LRRK1: variants seen among roughly 807,000 people sequenced by gnomAD.
LRRK1 encodes the protein leucine rich repeat kinase 1.
LRRK1 carries 113 observed loss-of-function variants against 209.1 expected under a neutral mutation model. The observed-to-expected ratio is 0.54, with a 90% CI of 0.46 to 0.63. The LOEUF (loss-of-function observed/expected upper bound fraction) is 0.63, where lower values mean the gene tolerates loss of function less well. LRRK1 is among the 30% of genes least tolerant of loss of function. The pLI is 0.00. For synonymous variants in LRRK1, 1,144 were observed against 1,099.7 expected, an observed-to-expected ratio of 1.04 and a Z score of -0.80; for missense variants, 2,284 against 2,632.2, an observed-to-expected ratio of 0.87 and a Z score of 2.89.
At chr15:101,062,842 T>A in intron 31 of LRRK1, 152 bp downstream of exon 31, 2 of 668,236 alleles carry the variant, frequency 3.0e-6, no homozygotes, top group South Asian at 3.5e-5. Flanking sequence ...AGGAAAGATA[T>A]CAGACCTGGT....
At chr15:100,923,779 G>A (rs1167368724) in intron 1 of LRRK1, among the ~76,000 whole-genome samples, 2 of 152,194 alleles carry the variant, frequency 1.3e-5, no homozygotes, top group African/African-American at 4.8e-5. Flanking sequence ...TAGCAGTCCT[G>A]TACATTGTAG....
At chr15:101,006,892 G>A (rs1165945635) in intron 6 of LRRK1, among the ~76,000 whole-genome samples, 1 of 152,172 alleles carries the variant, frequency 6.6e-6, no homozygotes, top group Non-Finnish European at 1.5e-5. Flanking sequence ...GAGTAAAATA[G>A]TAACAATCAA....
chr15:100,988,238 C>T (rs1222900453), intron 4 of LRRK1, among the ~76,000 whole-genome samples: 1 of 152,054 alleles, frequency 6.6e-6, no homozygotes, highest in Non-Finnish European at 1.5e-5. Flanking sequence ...CAGATTATTT[C>T]GTCACCTGGG....
chr15:101,015,421 A>T lies in LRRK1; in HGVS notation c.1609+19A>T. ...GAGGCAGGTGTGTGTGGGTTGGGAGACGGTGTTCCCAGATGAGACAGCCGG... is the reference window on the plus strand; with the variant it reads ...GAGGCAGGTGTGTGTGGGTTGGGAGTCGGTGTTCCCAGATGAGACAGCCGG... On this transcript the variant is annotated intron_variant, in intron 12 of 33. Coordinates refer to ENST00000388948, the MANE Select transcript of LRRK1 (RefSeq NM_024652.6). 6.3e-7 allele frequency: 1 copy of T among 1,598,906 alleles called. No individual in the cohort carries two copies. The highest frequency in any genetic ancestry group is 8.6e-7 in the Non-Finnish European group (1 of 1,168,462).
intron 31 of LRRK1, among the ~76,000 whole-genome samples, chr15:101,063,397 C>A (rs751785226): frequency 5.6e-4 from 85 of 152,188 alleles, no homozygotes; most frequent in Non-Finnish European, 2.8e-4. Context: ...AGCCCCTCCA[C>A]GCACCTCTTC....
chr15:100,976,332 A>T (rs559415354), intron 3 of LRRK1, among the ~76,000 whole-genome samples: 34 of 152,356 alleles, frequency 2.2e-4, no homozygotes, highest in African/African-American at 7.9e-4. Flanking sequence ...GTAGGTGAGA[A>T]CAGTACCTGG....
chr15:101,051,208 C>T (rs1181519190), intron 23 of LRRK1, among the ~76,000 whole-genome samples: 3 of 152,258 alleles, frequency 2.0e-5, no homozygotes, highest in Non-Finnish European at 2.9e-5. Flanking sequence ...TCTGCACCTC[C>T]TCTCAGAGGC....
At chr15:101,053,122 A>G in intron 25 of LRRK1, 34 bp downstream of exon 25, 1 of 1,593,824 alleles carries the variant, frequency 6.3e-7, no homozygotes, top group East Asian at 2.2e-5. Context: ...TGTTTTTCTC[A>G]GACATATGCT....
intron 20 of LRRK1, among the ~76,000 whole-genome samples, chr15:101,030,745 T>G (rs944467026): frequency 6.6e-6 from 1 of 152,230 alleles, no homozygotes; most frequent in African/African-American, 2.4e-5. Flanking sequence ...TACCTGCTTC[T>G]GTTTTTGTTT....
At chr15:100,962,804 T>TACATATATATATATATATAC (rs1252133441) in intron 2 of LRRK1, among the ~76,000 whole-genome samples, 2 of 37,190 alleles carry the variant, frequency 5.4e-5, no homozygotes, top group East Asian at 1.2e-3. Context: ...CATATATATA[T>TACATATATATATATATATAC]ATATATATAT....
intron 20 of LRRK1, among the ~76,000 whole-genome samples, chr15:101,034,841 T>C (rs1477750067): frequency 6.6e-6 from 1 of 151,978 alleles, no homozygotes; most frequent in East Asian, 1.9e-4. Context: ...TTCTGGGAAT[T>C]TGTCTGTTTT....
intron 6 of LRRK1, among the ~76,000 whole-genome samples, chr15:101,007,242 A>G (rs932649191): frequency 6.6e-6 from 1 of 151,972 alleles, no homozygotes; most frequent in Admixed American, 6.5e-5. Flanking sequence ...TGCTTGTTAC[A>G]TTTTCCCATT....
At chr15:101,045,195 C>T (rs2034998686) in intron 20 of LRRK1, among the ~76,000 whole-genome samples, 1 of 152,206 alleles carries the variant, frequency 6.6e-6, no homozygotes, top group Non-Finnish European at 1.5e-5. Flanking sequence ...GTTCTAAGGA[C>T]ATTTATTGGA....
In LRRK1 at chr15:101,010,801, C is replaced by T. The variant is rs2141693978; in HGVS notation, c.1245C>T (p.Asn415=). The change falls in exon 9 of 34, where the codon AAC becomes AAT. Residue 415 remains asparagine, a synonymous_variant. Transcript: ENST00000388948. ...SLNSLNVSRN[N]LKVFPDPWAC... Reference sequence around the variant, plus strand: ...ATTCTCTGAATGTCTCCAGAAACAACCTGAAGGTGTTTCCAGATCCCTGGG... The same window carrying T: ...ATTCTCTGAATGTCTCCAGAAACAATCTGAAGGTGTTTCCAGATCCCTGGG... The T allele has an allele frequency of 6.2e-7, 1 of 1,614,006 alleles. No individual in the cohort carries two copies. The highest frequency in any genetic ancestry group is 1.7e-5 in the Admixed American group (1 of 59,978).
chr15:101,058,625 G>GGGGGGA lies in LRRK1; in HGVS notation c.4679+485_4679+486insGGGGAG, dbSNP rs1272444467. Among the ~76,000 whole-genome samples, 9 of 147,918 alleles carry GGGGGGA rather than the reference G, an allele frequency of 6.1e-5. 2 individuals are homozygous for GGGGGGA. Among genetic ancestry groups the GGGGGGA allele is most frequent in the Non-Finnish European group, 1.3e-4 (9 of 67,492 alleles). On this transcript the variant is annotated intron_variant, in intron 29 of 33. Coordinates refer to ENST00000388948, the MANE Select transcript of LRRK1 (RefSeq NM_024652.6). ...GATTGCAGAAGGGGCAACGGGGGGG[G>GGGGGGA]GCGTCTAAACAGAGTTGGGGTTTTG...
intron 2 of LRRK1, among the ~76,000 whole-genome samples, chr15:100,945,091 C>T (rs1172515000): frequency 6.6e-6 from 1 of 152,186 alleles, no homozygotes; most frequent in African/African-American, 2.4e-5. Context: ...TCTTCACGGG[C>T]ATTTGGGCGA....
chr15:101,031,561 C>T (rs2034284268), intron 20 of LRRK1, among the ~76,000 whole-genome samples: 4 of 152,178 alleles, frequency 2.6e-5, no homozygotes, highest in Admixed American at 1.3e-4. Flanking sequence ...AATAACACTG[C>T]TGTAAACAGT....
At chr15:101,009,116 T>C in intron 7 of LRRK1, 53 bp downstream of exon 7, 1 of 1,367,358 alleles carries the variant, frequency 7.3e-7, no homozygotes, top group Non-Finnish European at 1.0e-6. Flanking sequence ...GTCACCGTTG[T>C]GCTCCTGCAC....
At chr15:100,939,880 G>GT (rs1009359297) in intron 2 of LRRK1, among the ~76,000 whole-genome samples, 54 of 152,060 alleles carry the variant, frequency 3.6e-4, no homozygotes, top group Middle Eastern at 6.8e-3. Context: ...TGAAGGTGGG[G>GT]TTTTTTTTCC....
Sources: gnomAD v4.1 joint callset for allele counts (sites outside exome capture counted in the v4.1 genomes callset) on GRCh38, gnomAD v4.1.1 for gene constraint, MANE v1.5 for transcripts, NCBI Gene and HGNC (gene_info 2026-07-23, HGNC 2026-07-21) for gene names.